The following GALNT13 variants were observed in gnomAD, a reference collection of about 807,000 sequenced individuals.
GALNT13 encodes the protein UDP-GalNAc:polypeptide N-acetylgalactosaminyltransferase 13.
In GALNT13, 28 loss-of-function variants were observed where a neutral mutation model predicts 64.2. The ratio of observed to expected loss-of-function variants is 0.44; its 90% confidence interval spans 0.32 to 0.60. The LOEUF is 0.60. GALNT13 is among the 20% of genes least tolerant of loss of function. The probability of loss-of-function intolerance (pLI) is 0.05; values close to 1 mark genes in which losing one functional copy is unlikely to be tolerated. For missense variants in GALNT13, 577 were observed against 669.8 expected (o/e 0.86, Z 1.53); for synonymous variants, 214 against 224.6 (o/e 0.95, Z 0.42).
At chr2:153,297,695 GAA>G in the GALNT13 span, among the ~76,000 whole-genome samples, 1 of 152,286 alleles carries the variant, frequency 6.6e-6, no homozygotes, top group African/African-American at 2.4e-5. Context: ...AATGAGAAAA[GAA>G]AGTAAATAAT....
the GALNT13 span, among the ~76,000 whole-genome samples, chr2:153,849,865 A>G: frequency 6.6e-6 from 1 of 152,076 alleles, no homozygotes; most frequent in Non-Finnish European, 1.5e-5. Flanking sequence ...TGGGATAAGA[A>G]CCACTAAAAA....
At chr2:154,310,726 G>A (rs1049335793) in intron 9 of GALNT13, among the ~76,000 whole-genome samples, 38 of 152,044 alleles carry the variant, frequency 2.5e-4, no homozygotes, top group Non-Finnish European at 1.0e-4. Flanking sequence ...TTAAGAATGA[G>A]AGCACTGGAG....
chr2:154,108,074 A>T (rs761442368), intron 3 of GALNT13, among the ~76,000 whole-genome samples: 5 of 152,074 alleles, frequency 3.3e-5, no homozygotes, highest in African/African-American at 1.2e-4. Context: ...GGGGGTGCCG[A>T]CATTCCTTTG....
chr2:153,742,972 A>G, the GALNT13 span, among the ~76,000 whole-genome samples: 5 of 122,280 alleles, frequency 4.1e-5, no homozygotes, highest in Non-Finnish European at 8.6e-5. Flanking sequence ...GGGGAGGGGC[A>G]AGGGGAGGAG....
the GALNT13 span, among the ~76,000 whole-genome samples, chr2:153,297,847 G>T: frequency 6.6e-6 from 1 of 152,138 alleles, no homozygotes; most frequent in Non-Finnish European, 1.5e-5. Flanking sequence ...CTGAATGAAG[G>T]TGTCACAATG....
the GALNT13 span, among the ~76,000 whole-genome samples, chr2:153,866,862 T>G: frequency 2.6e-5 from 4 of 152,324 alleles, no homozygotes; most frequent in Admixed American, 2.6e-4. Context: ...TGCACAAGTA[T>G]AGGTGAGAAA....
chr2:153,531,246 A>T, the GALNT13 span, among the ~76,000 whole-genome samples: 2 of 152,340 alleles, frequency 1.3e-5, no homozygotes, highest in East Asian at 3.9e-4. Context: ...TACAGAAAGC[A>T]TGATGTTGGC....
chr2:153,673,799 A>G, the GALNT13 span, among the ~76,000 whole-genome samples: 1 of 152,202 alleles, frequency 6.6e-6, no homozygotes, highest in African/African-American at 2.4e-5. Context: ...TTTTACATTT[A>G]GAGAACCCCA....
At chr2:153,193,568 C>A in the GALNT13 span, among the ~76,000 whole-genome samples, 1 of 151,596 alleles carries the variant, frequency 6.6e-6, no homozygotes, top group Non-Finnish European at 1.5e-5. Flanking sequence ...GCACAATGTG[C>A]ACATGTACCC....
chr2:153,323,713 G>C, the GALNT13 span, among the ~76,000 whole-genome samples: 1,371 of 152,132 alleles, frequency 9.0e-3, 24 homozygotes, highest in East Asian at 0.084. Context: ...ATATGGCTAG[G>C]CAGTTTTTCC....
intron 3 of GALNT13, among the ~76,000 whole-genome samples, chr2:154,125,289 G>GCC (rs1682193786): frequency 2.0e-5 from 3 of 152,100 alleles, no homozygotes; most frequent in African/African-American, 7.2e-5. Context: ...ACTTTTGGTA[G>GCC]GTGAGGTAGA....
the GALNT13 span, among the ~76,000 whole-genome samples, chr2:153,117,016 G>C: frequency 1.3e-5 from 2 of 151,858 alleles, no homozygotes; most frequent in African/African-American, 4.8e-5. Context: ...AGCCAGGATG[G>C]TCTCGATCTC....
At chr2:154,400,062 C>T (rs1699230554) in intron 10 of GALNT13, among the ~76,000 whole-genome samples, 1 of 152,112 alleles carries the variant, frequency 6.6e-6, no homozygotes, top group African/African-American at 2.4e-5. Flanking sequence ...CAAGCACTAC[C>T]TCCCAATTCA....
chr2:154,442,731 A>G (rs1049897578), intron 12 of GALNT13, among the ~76,000 whole-genome samples: 3 of 152,144 alleles, frequency 2.0e-5, no homozygotes, highest in Non-Finnish European at 4.4e-5. Context: ...ATATGTGCAC[A>G]TAATTACATT....
chr2:153,477,879 C>T, the GALNT13 span: 1 of 296,960 alleles, frequency 3.4e-6, no homozygotes, highest in South Asian at 4.9e-5. Context: ...CTCTCCCCTG[C>T]CCGCCCTCTC....
intron 12 of GALNT13, among the ~76,000 whole-genome samples, chr2:154,444,234 T>G (rs1701449710): frequency 6.7e-6 from 1 of 149,680 alleles, no homozygotes. Context: ...TAACTAAGGG[T>G]TGATATACCT....
chr2:154,001,640 G>T (rs955704742), intron 3 of GALNT13, among the ~76,000 whole-genome samples: 1 of 151,888 alleles, frequency 6.6e-6, no homozygotes. Flanking sequence ...AAACAATTAT[G>T]GTAGCTATTA....
chr2:153,957,441 A>C (rs1378567603), intron 3 of GALNT13, among the ~76,000 whole-genome samples: 1 of 152,232 alleles, frequency 6.6e-6, no homozygotes, highest in Non-Finnish European at 1.5e-5. Context: ...AGCCATCTGC[A>C]GGGACAATGG....
chr2:153,326,755 G>T, the GALNT13 span, among the ~76,000 whole-genome samples: 1 of 152,142 alleles, frequency 6.6e-6, no homozygotes, highest in Non-Finnish European at 1.5e-5. Flanking sequence ...GCTTAGTTTG[G>T]CTGGATATGA....
Sources: allele counts gnomAD v4.1 joint callset (sites outside exome capture counted in the v4.1 genomes callset), GRCh38; gene constraint gnomAD v4.1.1; transcripts MANE v1.5; gene names NCBI Gene and HGNC (gene_info 2026-07-23, HGNC 2026-07-21).